Variants in CTNNA3 observed in about 807,000 individuals in gnomAD.
The protein encoded by CTNNA3 is catenin alpha 3.
In CTNNA3, 76 loss-of-function variants were observed where a neutral mutation model predicts 95.7. That is an observed-to-expected ratio of 0.79 (90% CI 0.66 to 0.96). The LOEUF (loss-of-function observed/expected upper bound fraction) is 0.96. Ranked by LOEUF, CTNNA3 falls within the 40% of genes least tolerant of loss-of-function variation. The pLI, the probability that CTNNA3 is intolerant of heterozygous loss-of-function variation, is 0.00. For synonymous variants in CTNNA3, 431 were observed against 374.4 expected, an observed-to-expected ratio of 1.15 and a Z score of -1.74; for missense variants, 1,191 against 1,089.8, an observed-to-expected ratio of 1.09 and a Z score of -1.31.
chr10:67,515,199 C>G (rs867385246), intron 5 of CTNNA3, among the ~76,000 whole-genome samples: 2 of 152,088 alleles, frequency 1.3e-5, no homozygotes, highest in Non-Finnish European at 2.9e-5. Flanking sequence ...TTTCTTCAGA[C>G]TGTAACTATA....
intron 10 of CTNNA3, among the ~76,000 whole-genome samples, chr10:66,613,764 A>G (rs1488330669): frequency 1.3e-5 from 2 of 152,068 alleles, no homozygotes; most frequent in Non-Finnish European, 2.9e-5. Flanking sequence ...CCATTCCCTG[A>G]AGTGAAAAGA....
chr10:66,798,937 A>G (rs1841320521), intron 7 of CTNNA3, among the ~76,000 whole-genome samples: 1 of 151,704 alleles, frequency 6.6e-6, no homozygotes, highest in Non-Finnish European at 1.5e-5. Flanking sequence ...GCATACAAGT[A>G]AAGAGAGTAT....
intron 7 of CTNNA3, chr10:67,097,879 C>A (rs766250252): frequency 7.3e-6 from 9 of 1,239,892 alleles, no homozygotes; most frequent in Non-Finnish European, 1.0e-5. Flanking sequence ...ATTGTGGACT[C>A]TAAAAACAAA....
intron 13 of CTNNA3, among the ~76,000 whole-genome samples, chr10:66,199,779 ATATATATATATATATATATATATATATT>A (rs1409920451): frequency 4.0e-4 from 3 of 7,572 alleles, no homozygotes; most frequent in South Asian, 6.8e-3. Flanking sequence ...ATATATATAT[ATATATATATATATATATATATATATATT>A]TTTTTTTTTT....
chr10:67,726,090 A>AAT (rs1841211330), intron 1 of CTNNA3, among the ~76,000 whole-genome samples: 1 of 119,062 alleles, frequency 8.4e-6, no homozygotes, highest in Non-Finnish European at 1.6e-5. Context: ...TATATATTAT[A>AAT]ATATATAATT....
intron 11 of CTNNA3, among the ~76,000 whole-genome samples, chr10:66,487,250 GGAGT>G (rs963631646): frequency 8.4e-5 from 11 of 130,424 alleles, no homozygotes; most frequent in African/African-American, 3.2e-4. Context: ...CGCCCAGGCT[GGAGT>G]GCGGTGGCGC....
At chr10:67,411,715 T>G (rs1044403394) in intron 5 of CTNNA3, among the ~76,000 whole-genome samples, 4 of 152,134 alleles carry the variant, frequency 2.6e-5, no homozygotes, top group African/African-American at 9.7e-5. Context: ...AACAGAGTTT[T>G]CCTTTTTTGT....
At chr10:67,508,896 A>G (rs761583924) in intron 5 of CTNNA3, among the ~76,000 whole-genome samples, 3 of 150,610 alleles carry the variant, frequency 2.0e-5, no homozygotes, top group Non-Finnish European at 3.0e-5. Context: ...TTTTTTTGAG[A>G]CCTAAGTCTC....
chr10:67,066,521 C>T (rs1438903675), intron 7 of CTNNA3, among the ~76,000 whole-genome samples: 1 of 135,074 alleles, frequency 7.4e-6, no homozygotes, highest in Non-Finnish European at 1.5e-5. Flanking sequence ...TACAGTTAGT[C>T]ATGCAGTTCT....
In CTNNA3 at chr10:66,221,439, G is replaced by GA. The variant is rs527911524; in HGVS notation, c.1884+59030dup. 4.7e-3 allele frequency among the ~76,000 whole-genome samples: 721 copies of GA among 152,248 alleles called. 2 individuals are homozygous for GA. Among genetic ancestry groups the GA allele is most frequent in the South Asian group, 8.7e-3 (42 of 4,826 alleles). ...TCAGATCAATTCTGGATGCCCTGCA[G>GA]AAAAAAATAAGCTTCTTAATTTTTA... On this transcript the variant is annotated intron_variant, in intron 13 of 17. Transcript: ENST00000433211.
At chr10:66,413,546 A>G (rs2132604770) in intron 11 of CTNNA3, among the ~76,000 whole-genome samples, 1 of 152,354 alleles carries the variant, frequency 6.6e-6, no homozygotes, top group South Asian at 2.1e-4. Flanking sequence ...TCACTTTTAT[A>G]AAACAAAATA....
chr10:66,358,378 A>G (rs1053514996), intron 12 of CTNNA3, among the ~76,000 whole-genome samples: 2 of 152,124 alleles, frequency 1.3e-5, no homozygotes, highest in Non-Finnish European at 2.9e-5. Flanking sequence ...CAGGGAACAT[A>G]TTATTGTATG....
intron 5 of CTNNA3, among the ~76,000 whole-genome samples, chr10:67,451,999 G>A (rs1248674956): frequency 7.1e-6 from 1 of 140,742 alleles, no homozygotes; most frequent in African/African-American, 2.5e-5. Context: ...AGTTCCGAAG[G>A]AAATAAGGAA....
At chr10:65,991,961 G>T (rs1903873) in intron 15 of CTNNA3, among the ~76,000 whole-genome samples, 129,896 of 152,066 alleles carry the variant, frequency 0.85, 55,718 homozygotes, top group African/African-American at 0.9. Context: ...ATCATGAAAA[G>T]ATCTTGAATT....
At chr10:66,418,244 T>C (rs1049931621) in intron 11 of CTNNA3, among the ~76,000 whole-genome samples, 5 of 151,588 alleles carry the variant, frequency 3.3e-5, no homozygotes, top group Non-Finnish European at 7.4e-5. Context: ...CACGGAAAAC[T>C]GTATACTAAC....
chr10:66,350,610 GA>G (rs5785755), intron 12 of CTNNA3, among the ~76,000 whole-genome samples: 2,451 of 142,016 alleles, frequency 0.017, 66 homozygotes, highest in African/African-American at 0.059. Flanking sequence ...AGGGGCTCCT[GA>G]AAAAAAAAAA....
At chr10:67,680,336 A>C (rs561258658) in intron 1 of CTNNA3, among the ~76,000 whole-genome samples, 2 of 152,252 alleles carry the variant, frequency 1.3e-5, no homozygotes, top group Admixed American at 6.5e-5. Flanking sequence ...ACTAGGGACT[A>C]TCAGTCCTCA....
chr10:67,394,305 A>G (rs1450946710), intron 5 of CTNNA3, among the ~76,000 whole-genome samples: 1 of 152,046 alleles, frequency 6.6e-6, no homozygotes, highest in Non-Finnish European at 1.5e-5. Flanking sequence ...AATATCAAAA[A>G]AAAAAAAAGA....
At chr10:67,182,078 G>A (rs1262171849) in intron 6 of CTNNA3, among the ~76,000 whole-genome samples, 7 of 152,058 alleles carry the variant, frequency 4.6e-5, no homozygotes, top group African/African-American at 1.7e-4. Flanking sequence ...ATGCTCATGG[G>A]TAGGAAGAAT....
Sources: gnomAD v4.1 joint callset for allele counts (sites outside exome capture counted in the v4.1 genomes callset) on GRCh38, gnomAD v4.1.1 for gene constraint, MANE v1.5 for transcripts, NCBI Gene and HGNC (gene_info 2026-07-23, HGNC 2026-07-21) for gene names.